DNAH9: variants seen among roughly 807,000 people sequenced by gnomAD.
DNAH9 encodes the protein dynein axonemal heavy chain 9.
A neutral mutation model predicts 471.6 loss-of-function variants in DNAH9; 345 were observed. That is an observed-to-expected ratio of 0.73 (90% CI 0.67 to 0.80). The LOEUF (loss-of-function observed/expected upper bound fraction) is 0.80. Ranked by LOEUF, DNAH9 falls within the 30% of genes least tolerant of loss-of-function variation. DNAH9 has a pLI of 0.00. For missense variants in DNAH9, 5,407 were observed against 5,609.2 expected (o/e 0.96, Z 1.15); for synonymous variants, 2,093 against 2,123.6 (o/e 0.99, Z 0.40).
chr17:11,931,726 C>A (rs1974514924), intron 63 of DNAH9, among the ~76,000 whole-genome samples: 1 of 152,144 alleles, frequency 6.6e-6, no homozygotes, highest in African/African-American at 2.4e-5. Flanking sequence ...TTGCATGTCA[C>A]CCTGATCCCC....
chr17:11,745,034 A>G lies in DNAH9; in HGVS notation c.6349A>G (p.Lys2117Glu), dbSNP rs1213145272. ...CCCCAACTTCGAAGCTTTGGTTAGG[A>G]AGGCGATAGTGGATCTGAAGCTCCA... ...RDPNFEALVRKAIVDLKLQAE... is the reference protein window; with the variant it reads ...RDPNFEALVREAIVDLKLQAE... The change falls in exon 31 of 69, where the codon AAG (lysine) becomes GAG (glutamate). Residue 2117 changes from lysine (K) to glutamate (E), a missense_variant. Around this residue, in one of 3 missense-constraint regions of DNAH9, gnomAD observed 4,636 missense variants for 4,900.3 expected, o/e 0.95. Coordinates refer to ENST00000262442, the MANE Select transcript of DNAH9 (RefSeq NM_001372.4). 1.2e-6 allele frequency: 2 copies of G among 1,614,146 alleles called. No homozygotes were observed. The highest frequency in any genetic ancestry group is 4.5e-5 in the East Asian group (2 of 44,880).
In DNAH9 at chr17:11,886,976, C is replaced by G. The variant is rs763484492; in HGVS notation, c.11112+11C>G. On this transcript the variant is annotated intron_variant, in intron 57 of 68. Coordinates refer to ENST00000262442, the MANE Select transcript of DNAH9 (RefSeq NM_001372.4). ...CAGTTTTCTCTCAAGGTGACTTACA[C>G]CTGGAGTTTCTTGCCTGATTATAAT... 7 of 1,605,000 alleles carry G rather than the reference C, an allele frequency of 4.4e-6. No homozygotes were observed. The highest frequency in any genetic ancestry group is 6.0e-6 in the Non-Finnish European group (7 of 1,175,676).
chr17:11,695,048 C>T (rs376056308), intron 22 of DNAH9, among the ~76,000 whole-genome samples: 1 of 150,726 alleles, frequency 6.6e-6, no homozygotes, highest in South Asian at 2.1e-4. Context: ...GCCACCATGC[C>T]GACTGATTTT....
intron 17 of DNAH9, among the ~76,000 whole-genome samples, chr17:11,678,920 C>T (rs2074090221): frequency 6.6e-6 from 1 of 151,934 alleles, no homozygotes; most frequent in Admixed American, 6.6e-5. Flanking sequence ...CATATTTTTC[C>T]TTTTTTCTCT....
Position 11,769,246 on chromosome 17 carries a change from C to G in DNAH9, c.7469C>G (p.Ala2490Gly), listed in dbSNP as rs1180043841. ...ACTGGCAAGTCGGTGCTGGTGGGAG[C>G]TAAGCTGGCCAGCCTTGACCCCGAG... ...AGTGKSVLVG[A>G]KLASLDPEAY... The change falls in exon 38 of 69, where the codon GCT becomes GGT. Residue 2490 changes from alanine (A) to glycine (G), a missense_variant. By Grantham distance (60) the Ala-to-Gly change is moderately conservative (BLOSUM62 0). Coordinates refer to ENST00000262442, the MANE Select transcript of DNAH9 (RefSeq NM_001372.4). 1 of 1,614,166 alleles carries G rather than the reference C, an allele frequency of 6.2e-7. No individual in the cohort carries two copies. Among genetic ancestry groups the G allele is most frequent in the Admixed American group, 1.7e-5 (1 of 60,020 alleles).
At chr17:11,810,917 G>T (rs925707116) in intron 45 of DNAH9, among the ~76,000 whole-genome samples, 1 of 152,234 alleles carries the variant, frequency 6.6e-6, no homozygotes, top group African/African-American at 2.4e-5. Context: ...AGAGTGTGAA[G>T]TGGCCTGTGA....
intron 27 of DNAH9, among the ~76,000 whole-genome samples, chr17:11,726,677 T>C (rs2075158203): frequency 6.6e-6 from 1 of 152,158 alleles, no homozygotes; most frequent in Non-Finnish European, 1.5e-5. Context: ...CCTTATCTCC[T>C]CAACCTGACC....
At chr17:11,769,409 GTGC>G in intron 38 of DNAH9, 80 bp downstream of exon 38, 1 of 1,322,158 alleles carries the variant, frequency 7.6e-7, no homozygotes, top group Non-Finnish European at 1.0e-6. Flanking sequence ...CAAGCGTCAG[GTGC>G]CTGCCTGACT....
intron 30 of DNAH9, among the ~76,000 whole-genome samples, chr17:11,744,443 T>A (rs2075484302): frequency 6.6e-6 from 1 of 152,200 alleles, no homozygotes; most frequent in South Asian, 2.1e-4. Context: ...GCTCAGCGTC[T>A]ACCATCTCTA....
intron 66 of DNAH9, among the ~76,000 whole-genome samples, chr17:11,940,747 T>C (rs910305499): frequency 6.6e-6 from 1 of 152,210 alleles, no homozygotes; most frequent in African/African-American, 2.4e-5. Flanking sequence ...TGATTTGATC[T>C]TCACATCAAC....
chr17:11,962,243 G>A lies in DNAH9; in HGVS notation c.13220G>A (p.Cys4407Tyr), dbSNP rs1210437268. The A allele has an allele frequency of 5.6e-6, 9 of 1,605,096 alleles. No individual in the cohort carries two copies. The highest frequency in any genetic ancestry group is 7.7e-6 in the Non-Finnish European group (9 of 1,175,486). ...YIHGLFMEGA[C>Y]WDTQAGIITE... ...CATGGCCTCTTCATGGAAGGTGCCT[G>A]CTGGGACACACAGGTAAAGCTTGGA... Residue 4407 changes from cysteine to tyrosine, a missense_variant, in exon 68 of 69, where the codon TGC becomes TAC. Coordinates refer to ENST00000262442, the MANE Select transcript of DNAH9 (RefSeq NM_001372.4). This position sits in a 1 kb window ranked among gnomAD's most constrained non-coding sequence, Gnocchi z 4.1.
At position 11,883,769 on chromosome 17, in the gene DNAH9, G is replaced by C; in HGVS notation, c.10971+19G>C. The C allele has an allele frequency of 6.2e-7, 1 of 1,609,742 alleles. No homozygotes were observed. Among genetic ancestry groups the C allele is most frequent in the South Asian group, 1.1e-5 (1 of 90,480 alleles). On this transcript the variant is annotated intron_variant, in intron 56 of 68. Coordinates refer to ENST00000262442, the MANE Select transcript of DNAH9 (RefSeq NM_001372.4). ...GAAAAAGGTAAAACTCCTCTGGCTA[G>C]TCTGGGAAGGCAGCCTAGGCTGGGG...
chr17:11,870,674 C>T (rs998621073), intron 51 of DNAH9, among the ~76,000 whole-genome samples: 1 of 152,164 alleles, frequency 6.6e-6, no homozygotes, highest in African/African-American at 2.4e-5. Flanking sequence ...TCCTAGCTGG[C>T]CTGCCTTCCA....
At chr17:11,709,646 G>T (rs1022408634) in intron 26 of DNAH9, among the ~76,000 whole-genome samples, 5 of 152,138 alleles carry the variant, frequency 3.3e-5, no homozygotes, top group African/African-American at 1.2e-4. Flanking sequence ...AGGTGCGATG[G>T]TTCAGTCCTT....
intron 41 of DNAH9, among the ~76,000 whole-genome samples, chr17:11,789,923 A>G (rs1007046875): frequency 6.6e-6 from 1 of 151,984 alleles, no homozygotes; most frequent in Admixed American, 6.5e-5. Context: ...TTTAATTTCC[A>G]CTATGATTTC....
chr17:11,827,928 C>T (rs1323140183), intron 48 of DNAH9, among the ~76,000 whole-genome samples: 7 of 152,014 alleles, frequency 4.6e-5, no homozygotes. Flanking sequence ...TCAGGTGATC[C>T]ACGTCCTTGG....
At chr17:11,771,834 G>A (rs1047981900) in intron 38 of DNAH9, among the ~76,000 whole-genome samples, 18 of 152,208 alleles carry the variant, frequency 1.2e-4, no homozygotes, top group African/African-American at 4.3e-4. Context: ...ATTTATCAAA[G>A]ACTTATCAGG....
chr17:11,872,746 A>G (rs969284464), intron 52 of DNAH9, among the ~76,000 whole-genome samples: 1 of 152,054 alleles, frequency 6.6e-6, no homozygotes, highest in Non-Finnish European at 1.5e-5. Context: ...CAGTGAAACC[A>G]CGTCTCTACT....
At chr17:11,640,665 T>C (rs1343536272) in intron 10 of DNAH9, among the ~76,000 whole-genome samples, 2 of 152,190 alleles carry the variant, frequency 1.3e-5, no homozygotes, top group East Asian at 3.9e-4. Flanking sequence ...GATTTTAAGC[T>C]CTGTGGAGTT....
Sources: gnomAD v4.1 joint callset for allele counts (sites outside exome capture counted in the v4.1 genomes callset) on GRCh38, gnomAD v4.1.1 for gene constraint, gnomAD v4.1.1 regional missense constraint, Gnocchi (gnomAD v3.1) non-coding constraint, MANE v1.5 for transcripts, NCBI Gene and HGNC (gene_info 2026-07-23, HGNC 2026-07-21) for gene names.